SLC2A13: variants seen among roughly 807,000 people sequenced by gnomAD.
The protein encoded by SLC2A13 is proton myo-inositol cotransporter.
Under a neutral mutation model 64.4 loss-of-function variants are expected in SLC2A13, and 32 were observed. The observed-to-expected ratio is 0.50, with a 90% CI of 0.37 to 0.67. SLC2A13 has a LOEUF of 0.67. SLC2A13 is among the 30% of genes least tolerant of loss of function. The pLI is 0.00. For missense variants in SLC2A13, 743 were observed against 829.2 expected, an observed-to-expected ratio of 0.90 and a Z score of 1.28; for synonymous variants, 338 against 327.1, an observed-to-expected ratio of 1.03 and a Z score of -0.36.
At chr12:39,864,097 T>C (rs1360620453) in intron 6 of SLC2A13, among the ~76,000 whole-genome samples, 1 of 152,222 alleles carries the variant, frequency 6.6e-6, no homozygotes, top group Admixed American at 6.5e-5. Flanking sequence ...TTAATCGATG[T>C]GTCCAATCAC....
At chr12:39,805,093 G>T (rs1289194970) in intron 7 of SLC2A13, among the ~76,000 whole-genome samples, 4 of 78,202 alleles carry the variant, frequency 5.1e-5, no homozygotes, top group Non-Finnish European at 1.1e-4. Context: ...AACAGTGAGG[G>T]TCATCAGTGA....
intron 7 of SLC2A13, among the ~76,000 whole-genome samples, chr12:39,791,294 T>G (rs1368752683): frequency 9.1e-6 from 1 of 110,482 alleles, no homozygotes; most frequent in Non-Finnish European, 1.8e-5. Context: ...ACTGGAAGCA[T>G]TCCCTTTGAA....
At chr12:39,822,146 A>C (rs1472424082) in intron 7 of SLC2A13, among the ~76,000 whole-genome samples, 2 of 135,916 alleles carry the variant, frequency 1.5e-5, no homozygotes, top group African/African-American at 2.8e-5. Flanking sequence ...TTCAATTCCC[A>C]CCTATGAGTG....
intron 7 of SLC2A13, among the ~76,000 whole-genome samples, chr12:39,793,416 A>C (rs1941473824): frequency 1.3e-5 from 2 of 152,188 alleles, no homozygotes; most frequent in Admixed American, 1.3e-4. Flanking sequence ...CTATAGAGTC[A>C]ATGTAAGTCC....
At chr12:40,002,054 A>G (rs958976155) in intron 3 of SLC2A13, among the ~76,000 whole-genome samples, 5 of 152,230 alleles carry the variant, frequency 3.3e-5, no homozygotes, top group African/African-American at 1.2e-4. Flanking sequence ...CATTTCTCCA[A>G]CTAACAACTG....
chr12:40,073,852 C>G (rs1171698922), intron 1 of SLC2A13, among the ~76,000 whole-genome samples: 2 of 151,952 alleles, frequency 1.3e-5, no homozygotes, highest in Non-Finnish European at 2.9e-5. Flanking sequence ...AATGACATGC[C>G]TTCACATAGC....
chr12:40,073,441 T>TA (rs1418313282), intron 1 of SLC2A13, among the ~76,000 whole-genome samples: 1 of 152,172 alleles, frequency 6.6e-6, no homozygotes, highest in Non-Finnish European at 1.5e-5. Context: ...CTATTTTCAA[T>TA]AAAGTGTTGT....
chr12:40,084,248 C>G (rs1938518170), intron 1 of SLC2A13, among the ~76,000 whole-genome samples: 2 of 152,208 alleles, frequency 1.3e-5, no homozygotes, highest in African/African-American at 4.8e-5. Flanking sequence ...CAAATACTTC[C>G]AACTTCTGCC....
At chr12:40,046,105 C>A (rs1418673990) in intron 2 of SLC2A13, among the ~76,000 whole-genome samples, 1 of 152,190 alleles carries the variant, frequency 6.6e-6, no homozygotes, top group Non-Finnish European at 1.5e-5. Flanking sequence ...AAACACTTTA[C>A]ATATAATAAG....
In SLC2A13 at chr12:39,973,482, G is replaced by A. The variant is rs1285802168; in HGVS notation, c.926-22117C>T. ...CCTCATGGATGTTTTCCAATCTCATGACTCCCAAATCAACACTGTCATGCC... is the reference window on the plus strand; with the variant it reads ...CCTCATGGATGTTTTCCAATCTCATAACTCCCAAATCAACACTGTCATGCC... On this transcript the variant is annotated intron_variant, in intron 3 of 9. Transcript: ENST00000280871. 2.0e-5 allele frequency among the ~76,000 whole-genome samples: 3 copies of A among 152,156 alleles called. No homozygotes were observed. The East Asian group carries it at 5.8e-4, about 29-fold the overall frequency.
At chr12:39,773,500 C>T (rs182154303) in intron 7 of SLC2A13, among the ~76,000 whole-genome samples, 9 of 152,146 alleles carry the variant, frequency 5.9e-5, no homozygotes, top group East Asian at 1.9e-4. Context: ...CTAGTTCATA[C>T]GTAGATCTAT....
chr12:40,103,819 C>G (rs1197032715), intron 1 of SLC2A13, among the ~76,000 whole-genome samples: 1 of 152,122 alleles, frequency 6.6e-6, no homozygotes, highest in Non-Finnish European at 1.5e-5. Context: ...TCCTGAAGGC[C>G]CAAGTAGTTT....
chr12:39,968,954 C>G (rs1946589475), intron 3 of SLC2A13, among the ~76,000 whole-genome samples: 1 of 151,918 alleles, frequency 6.6e-6, no homozygotes, highest in Non-Finnish European at 1.5e-5. Flanking sequence ...CCTCCTTCCC[C>G]CACCCCACAA....
At chr12:39,792,409 A>G (rs940458447) in intron 7 of SLC2A13, among the ~76,000 whole-genome samples, 1 of 152,166 alleles carries the variant, frequency 6.6e-6, no homozygotes, top group Non-Finnish European at 1.5e-5. Context: ...TCTGCACAGC[A>G]AAAGAAACTA....
chr12:40,004,497 A>G (rs373621380), intron 3 of SLC2A13, among the ~76,000 whole-genome samples: 48 of 152,096 alleles, frequency 3.2e-4, no homozygotes, highest in African/African-American at 1.1e-3. Flanking sequence ...GTACCATTTT[A>G]TATCAGAGAC....
intron 9 of SLC2A13, among the ~76,000 whole-genome samples, chr12:39,762,686 G>A (rs973271785): frequency 2.6e-5 from 4 of 152,032 alleles, no homozygotes; most frequent in African/African-American, 9.7e-5. Context: ...TTTATTAAAT[G>A]AGGAATATAA....
chr12:39,795,728 G>T (rs1941550316), intron 7 of SLC2A13, among the ~76,000 whole-genome samples: 1 of 152,126 alleles, frequency 6.6e-6, no homozygotes, highest in African/African-American at 2.4e-5. Context: ...TATGGGCACG[G>T]GAAACATAAA....
chr12:40,040,557 AT>A (rs1385714654), intron 2 of SLC2A13, among the ~76,000 whole-genome samples: 1 of 151,970 alleles, frequency 6.6e-6, no homozygotes, highest in Non-Finnish European at 1.5e-5. Flanking sequence ...TATCCAGCTA[AT>A]TTTTCTATTT....
intron 3 of SLC2A13, among the ~76,000 whole-genome samples, chr12:39,975,926 T>G (rs1330838777): frequency 3.9e-5 from 6 of 152,224 alleles, no homozygotes; most frequent in African/African-American, 1.4e-4. Context: ...AATAGCTATG[T>G]GCACTAACAA....
Sources: gnomAD v4.1 joint callset for allele counts (sites outside exome capture counted in the v4.1 genomes callset) on GRCh38, gnomAD v4.1.1 for gene constraint, MANE v1.5 for transcripts, NCBI Gene and HGNC (gene_info 2026-07-23, HGNC 2026-07-21) for gene names.